Variants in ADGRL2 observed in about 807,000 individuals in gnomAD.
The protein encoded by ADGRL2 is adhesion G protein-coupled receptor L2.
A neutral mutation model predicts 157.4 loss-of-function variants in ADGRL2; 44 were observed. The ratio of observed to expected loss-of-function variants is 0.28; its 90% CI spans 0.22 to 0.36. The LOEUF is 0.36. ADGRL2 is among the 10% of genes least tolerant of loss of function. ADGRL2 has a pLI of 1.00. For synonymous variants in ADGRL2, 585 were observed against 624.7 expected, an observed-to-expected ratio of 0.94 and a Z score of 0.95; for missense variants, 1,510 against 1,768.9, an observed-to-expected ratio of 0.85 and a Z score of 2.63.
At chr1:81,556,214 A>G (rs1386967105) in intron 2 of ADGRL2, among the ~76,000 whole-genome samples, 1 of 152,122 alleles carries the variant, frequency 6.6e-6, no homozygotes, top group Non-Finnish European at 1.5e-5. Context: ...TCTTGAAACA[A>G]GAGCGAATTT....
intron 3 of ADGRL2, among the ~76,000 whole-genome samples, chr1:81,658,864 G>C (rs574528617): frequency 2.0e-5 from 3 of 151,744 alleles, no homozygotes; most frequent in South Asian, 4.2e-4. Flanking sequence ...TGATTCTCCT[G>C]CCTCAGCCTC....
At chr1:81,900,497 T>G (rs71646948) in intron 2 of ADGRL2, among the ~76,000 whole-genome samples, 24,973 of 151,136 alleles carry the variant, frequency 0.17, 2,510 homozygotes, top group Middle Eastern at 0.31. Flanking sequence ...TGGAAACTCA[T>G]GCCCAGCAGT....
Position 81,551,508 on chromosome 1 carries a change from T to A in ADGRL2, c.-247-29368T>A, listed in dbSNP as rs550319169. ...CATGTTGCCTTAGGAATAGCTCATT[T>A]GCAAAATCTAATATGCTATTACATT... On this transcript the variant is annotated intron_variant, in intron 2 of 24. Transcript: ENST00000370721. 2.6e-5 allele frequency among the ~76,000 whole-genome samples: 4 copies of A among 152,364 alleles called. No homozygotes were observed. In the South Asian group the frequency reaches 8.3e-4, roughly 32 times the overall value.
At chr1:81,710,538 T>G (rs956688225) in intron 1 of ADGRL2, among the ~76,000 whole-genome samples, 11 of 150,502 alleles carry the variant, frequency 7.3e-5, no homozygotes, top group African/African-American at 2.7e-4. Flanking sequence ...GAAAATCACT[T>G]GAATCTGGCA....
chr1:81,581,946 C>A (rs1014162891), intron 3 of ADGRL2, among the ~76,000 whole-genome samples: 1 of 151,778 alleles, frequency 6.6e-6, no homozygotes, highest in Non-Finnish European at 1.5e-5. Context: ...ACAGGACAGG[C>A]ATGGTGGCTC....
At chr1:81,757,667 C>T (rs759729038) in intron 1 of ADGRL2, among the ~76,000 whole-genome samples, 2 of 152,208 alleles carry the variant, frequency 1.3e-5, no homozygotes, top group African/African-American at 4.8e-5. Context: ...AGGGGCTGCC[C>T]GAATCACGAA....
intron 3 of ADGRL2, 142 bp from the exon 4 acceptor site, chr1:81,936,586 T>C (rs906105423): frequency 2.1e-6 from 1 of 486,850 alleles, no homozygotes; most frequent in African/African-American, 1.9e-5. Context: ...TATTTAATAA[T>C]GTAGAGTAAC....
intron 1 of ADGRL2, among the ~76,000 whole-genome samples, chr1:81,708,639 C>CAT (rs144706739): frequency 0.22 from 32,782 of 148,092 alleles, 3,585 homozygotes; most frequent in Non-Finnish European, 0.26. Context: ...TTAAAATTTA[C>CAT]ATATATATAT....
Position 81,957,323 on chromosome 1 carries a change from T to C in ADGRL2, c.2017+1263T>C, listed in dbSNP as rs144855307. Among the ~76,000 whole-genome samples, 125 of 152,348 alleles carry C rather than the reference T, an allele frequency of 8.2e-4. 2 individuals are homozygous for C. The highest frequency in any genetic ancestry group is 2.9e-3 in the African/African-American group (122 of 41,586). ...TGTAATTATAGATCCAAGATATTTT[T>C]ATCCCAGTTTGAGATATATTCTGAA... On this transcript the variant is annotated intron_variant, in intron 11 of 23. Coordinates refer to ENST00000686636, the MANE Select transcript of ADGRL2 (RefSeq NM_001366006.2).
chr1:81,588,972 T>G (rs2081079798), intron 3 of ADGRL2, among the ~76,000 whole-genome samples: 1 of 152,148 alleles, frequency 6.6e-6, no homozygotes, highest in Non-Finnish European at 1.5e-5. Context: ...ACTCAAAACC[T>G]GAAGTTGCAG....
chr1:81,378,864 G>A (rs2076296820), intron 1 of ADGRL2, among the ~76,000 whole-genome samples: 2 of 152,018 alleles, frequency 1.3e-5, no homozygotes, highest in East Asian at 1.9e-4. Flanking sequence ...TATAAATGAC[G>A]CTATAGATAG....
At chr1:81,317,013 T>C (rs1660152068) in intron 1 of ADGRL2, among the ~76,000 whole-genome samples, 1 of 152,168 alleles carries the variant, frequency 6.6e-6, no homozygotes. Context: ...CTGTCTGTCT[T>C]TTTCTTTACA....
intron 3 of ADGRL2, among the ~76,000 whole-genome samples, chr1:81,625,414 G>A (rs1011497829): frequency 1.3e-5 from 2 of 152,226 alleles, no homozygotes; most frequent in Admixed American, 1.3e-4. Flanking sequence ...GGGTGACCAG[G>A]AAAATAGGTA....
At chr1:81,839,948 A>T (rs2092493440) in intron 2 of ADGRL2, among the ~76,000 whole-genome samples, 1 of 146,584 alleles carries the variant, frequency 6.8e-6, no homozygotes, top group African/African-American at 2.5e-5. Flanking sequence ...TATATAATAT[A>T]TATATAAATA....
intron 1 of ADGRL2, among the ~76,000 whole-genome samples, chr1:81,730,468 C>A (rs1352013666): frequency 1.3e-5 from 2 of 152,040 alleles, no homozygotes; most frequent in Admixed American, 1.3e-4. Flanking sequence ...GTGGCTTATG[C>A]CTGTAATCTC....
chr1:81,669,177 C>T (rs1036995859), intron 3 of ADGRL2, among the ~76,000 whole-genome samples: 1 of 151,784 alleles, frequency 6.6e-6, no homozygotes, highest in Non-Finnish European at 1.5e-5. Context: ...ACAAATACAC[C>T]TAAATTACAT....
Position 81,454,051 on chromosome 1 carries a change from G to A in ADGRL2, c.-248+8962G>A, listed in dbSNP as rs4503391. Among the ~76,000 whole-genome samples, 1,393 of 152,174 alleles carry A rather than the reference G, an allele frequency of 9.2e-3. 11 individuals are homozygous for A. Among genetic ancestry groups the A allele is most frequent in the Middle Eastern group, 0.02 (6 of 294 alleles). On this transcript the variant is annotated intron_variant, in intron 2 of 24. Transcript: ENST00000370721. ...TTAAGGTGCCGGCAAATAATGTTTC[G>A]TTTAAAAGAAATTGAATGAGGATTA...
intron 1 of ADGRL2, among the ~76,000 whole-genome samples, chr1:81,728,647 A>T (rs1354921599): frequency 6.6e-6 from 1 of 152,190 alleles, no homozygotes; most frequent in Non-Finnish European, 1.5e-5. Context: ...TGGAACTGTA[A>T]CTAGGACCTA....
intron 2 of ADGRL2, among the ~76,000 whole-genome samples, chr1:81,549,712 T>C (rs1020334755): frequency 3.9e-5 from 6 of 152,194 alleles, no homozygotes; most frequent in African/African-American, 1.4e-4. Flanking sequence ...GGATGAGAAA[T>C]TCACACAACC....
Sources: gnomAD v4.1 joint callset for allele counts (sites outside exome capture counted in the v4.1 genomes callset) on GRCh38, gnomAD v4.1.1 for gene constraint, MANE v1.5 for transcripts, NCBI Gene and HGNC (gene_info 2026-07-23, HGNC 2026-07-21) for gene names.